The following NUBPL variants were observed in gnomAD, a reference collection of about 807,000 sequenced individuals.
NUBPL encodes the protein NUBP iron-sulfur cluster assembly factor, mitochondrial.
A neutral mutation model predicts 45.7 loss-of-function variants in NUBPL; 31 were observed. The observed-to-expected ratio is 0.68, with a 90% CI of 0.51 to 0.92. NUBPL has a LOEUF of 0.92. NUBPL is among the 40% of genes least tolerant of loss of function. The probability of loss-of-function intolerance (pLI) is 0.00; values close to 1 mark genes in which losing one functional copy is unlikely to be tolerated. For synonymous variants in NUBPL, 144 were observed against 140.9 expected (o/e 1.02, Z -0.15); for missense variants, 401 against 398.7 (o/e 1.01, Z -0.05).
rs577900387 is a variant in NUBPL, at chr14:31,681,495, C to T, written c.513+7921C>T. Among the ~76,000 whole-genome samples, 316 of 150,682 alleles carry T rather than the reference C, an allele frequency of 2.1e-3. 1 individual carries two copies. The highest frequency in any genetic ancestry group is 7.3e-3 in the African/African-American group (301 of 41,216). On this transcript the variant is annotated intron_variant, in intron 6 of 10. Coordinates refer to ENST00000281081, the MANE Select transcript of NUBPL (RefSeq NM_025152.3). Reference sequence around the variant, plus strand: ...TACTGGTTTTTTTTTTCAAAAAAACCGACTTTTCACCCTTAGACGTTTTTC... The same window carrying T: ...TACTGGTTTTTTTTTTCAAAAAAACTGACTTTTCACCCTTAGACGTTTTTC...
intron 4 of NUBPL, among the ~76,000 whole-genome samples, chr14:31,636,489 T>A (rs1485611983): frequency 1.3e-5 from 2 of 152,200 alleles, no homozygotes; most frequent in Non-Finnish European, 2.9e-5. Flanking sequence ...TGGATTGGTT[T>A]GCCAGTATTT....
At chr14:31,780,719 A>G (rs998916069) in intron 6 of NUBPL, among the ~76,000 whole-genome samples, 1 of 152,222 alleles carries the variant, frequency 6.6e-6, no homozygotes, top group African/African-American at 2.4e-5. Context: ...AAAATTTGAG[A>G]TAATAACTGT....
chr14:31,847,821 A>G (rs376227497), intron 9 of NUBPL, among the ~76,000 whole-genome samples: 6 of 152,328 alleles, frequency 3.9e-5, no homozygotes, highest in African/African-American at 1.4e-4. Flanking sequence ...AATACTAATG[A>G]TATATTTTGA....
intron 3 of NUBPL, among the ~76,000 whole-genome samples, chr14:31,580,383 G>T (rs577456587): frequency 6.6e-6 from 1 of 152,318 alleles, no homozygotes; most frequent in East Asian, 1.9e-4. Flanking sequence ...AGCAACTTAG[G>T]AGGCTGAACT....
In NUBPL at chr14:31,723,599, G is replaced by C. The variant is rs144168377; in HGVS notation, c.513+50025G>C. On this transcript the variant is annotated intron_variant, in intron 6 of 10. Transcript: ENST00000281081. ...ATAAGCATGGAATGTATTTCCATTT[G>C]TTTGTGTCATCTCTGATTTCTTTGA... 2.2e-3 allele frequency among the ~76,000 whole-genome samples: 329 copies of C among 152,196 alleles called. 3 individuals carry two copies. Among genetic ancestry groups the C allele is most frequent in the African/African-American group, 7.5e-3 (312 of 41,522 alleles).
chr14:31,711,392 C>A (rs1465809900), intron 6 of NUBPL, among the ~76,000 whole-genome samples: 1 of 152,072 alleles, frequency 6.6e-6, no homozygotes, highest in African/African-American at 2.4e-5. Flanking sequence ...GTATTTAGCC[C>A]CTGAATTCTA....
chr14:31,635,817 G>A (rs2035478930), intron 4 of NUBPL, among the ~76,000 whole-genome samples: 2 of 152,064 alleles, frequency 1.3e-5, no homozygotes, highest in Admixed American at 1.3e-4. Flanking sequence ...TCCCTTGTAA[G>A]TTGGATTCCT....
Position 31,561,628 on chromosome 14 carries a change from T to G in NUBPL, c.108+81T>G, listed in dbSNP as rs144857883. 519 of 946,938 alleles carry G rather than the reference T, an allele frequency of 5.5e-4. 2 individuals carry two copies. The African/African-American group carries it at 7.5e-3, about 14-fold the overall frequency. The allele number at this position is 946,938 out of a possible 1,614,324, so 58.7% of individuals were successfully genotyped here. Reference sequence around the variant, plus strand: ...CCGCAGATGCCCTGGCATTGCTTCTTGCCAAAGACTCGCCTCAGTTCCTGA... The same window carrying G: ...CCGCAGATGCCCTGGCATTGCTTCTGGCCAAAGACTCGCCTCAGTTCCTGA... On this transcript the variant is annotated intron_variant, in intron 1 of 10. Transcript: ENST00000281081.
intron 6 of NUBPL, among the ~76,000 whole-genome samples, chr14:31,775,139 T>C (rs947975214): frequency 6.6e-6 from 1 of 152,178 alleles, no homozygotes; most frequent in Non-Finnish European, 1.5e-5. Flanking sequence ...CAAAAGTGGC[T>C]GGGCATGGTG....
At chr14:31,612,985 C>T (rs925871430) in intron 4 of NUBPL, among the ~76,000 whole-genome samples, 1 of 152,128 alleles carries the variant, frequency 6.6e-6, no homozygotes, top group Admixed American at 6.5e-5. Flanking sequence ...GAAGAGATAC[C>T]TACACTCCCA....
intron 7 of NUBPL, among the ~76,000 whole-genome samples, chr14:31,792,742 G>A (rs550350590): frequency 6.6e-6 from 1 of 152,198 alleles, no homozygotes; most frequent in South Asian, 2.1e-4. Flanking sequence ...CTACCAAAAA[G>A]GATGTTGAAG....
At chr14:31,625,126 T>C (rs147583553) in intron 4 of NUBPL, among the ~76,000 whole-genome samples, 1 of 152,006 alleles carries the variant, frequency 6.6e-6, no homozygotes, top group East Asian at 1.9e-4. Context: ...AGAAAGGGTA[T>C]GAAGAGGTGA....
At chr14:31,582,139 A>C (rs1024436708) in intron 3 of NUBPL, among the ~76,000 whole-genome samples, 3 of 152,142 alleles carry the variant, frequency 2.0e-5, no homozygotes, top group Admixed American at 6.6e-5. Context: ...TACTGGCTAG[A>C]ATGGCTGTTT....
intron 6 of NUBPL, among the ~76,000 whole-genome samples, chr14:31,781,524 T>C (rs1230416098): frequency 6.6e-6 from 1 of 152,216 alleles, no homozygotes; most frequent in Admixed American, 6.5e-5. Flanking sequence ...AAGAGAAACT[T>C]ATTTGTAATT....
intron 9 of NUBPL, among the ~76,000 whole-genome samples, chr14:31,847,940 A>G (rs995408980): frequency 1.3e-4 from 20 of 152,242 alleles, no homozygotes; most frequent in African/African-American, 3.9e-4. Flanking sequence ...ATTCGCTTAT[A>G]TAATAAAGTA....
chr14:31,578,795 G>A (rs531877930), intron 3 of NUBPL, among the ~76,000 whole-genome samples: 3 of 152,282 alleles, frequency 2.0e-5, no homozygotes, highest in East Asian at 1.9e-4. Context: ...TAAAGAGAGC[G>A]GGCAGCTTGT....
chr14:31,802,763 G>A (rs1283734788), intron 7 of NUBPL, among the ~76,000 whole-genome samples: 1 of 152,166 alleles, frequency 6.6e-6, no homozygotes, highest in African/African-American at 2.4e-5. Context: ...TTGATAATGA[G>A]GTGATGTCCT....
chr14:31,765,887 T>C (rs2038903510), intron 6 of NUBPL, among the ~76,000 whole-genome samples: 2 of 152,168 alleles, frequency 1.3e-5, no homozygotes, highest in Non-Finnish European at 2.9e-5. Context: ...CATGTACACA[T>C]ATGTATACAC....
chr14:31,820,139 CAA>C (rs59044182), intron 7 of NUBPL, among the ~76,000 whole-genome samples: 2 of 111,572 alleles, frequency 1.8e-5, no homozygotes, highest in Non-Finnish European at 1.8e-5. Flanking sequence ...GACTCCATCT[CAA>C]AAAAAAAAAA....
Sources: gnomAD v4.1 joint callset for allele counts (sites outside exome capture counted in the v4.1 genomes callset) on GRCh38, gnomAD v4.1.1 for gene constraint, MANE v1.5 for transcripts, NCBI Gene and HGNC (gene_info 2026-07-23, HGNC 2026-07-21) for gene names.